Variants in PAMR1 observed in about 807,000 individuals in gnomAD.
The protein encoded by PAMR1 is inactive serine protease PAMR1.
A neutral mutation model predicts 81.8 loss-of-function variants in PAMR1; 88 were observed. That is an observed-to-expected ratio of 1.08 (90% confidence interval 0.91 to 1.28). The LOEUF (loss-of-function observed/expected upper bound fraction) is 1.28, where lower values mean the gene tolerates loss of function less well. Ranked by LOEUF, PAMR1 falls within the 50% of genes most tolerant of loss-of-function variation. The probability of loss-of-function intolerance (pLI) is 0.00; values close to 1 mark genes in which losing one functional copy is unlikely to be tolerated. For missense variants in PAMR1, 935 were observed against 919.7 expected, an observed-to-expected ratio of 1.02 and a Z score of -0.21; for synonymous variants, 336 against 345.3, an observed-to-expected ratio of 0.97 and a Z score of 0.30.
In PAMR1 at chr11:35,432,354, G is replaced by T; in HGVS notation, c.*2C>A. 6.2e-7 allele frequency: 1 copy of T among 1,608,102 alleles called. No homozygotes were observed. The highest frequency in any genetic ancestry group is 8.5e-7 in the Non-Finnish European group (1 of 1,179,090). ...ACTTCTCAAGGAGTGCATGAGCATG[G>T]TTCATTTCATATTTCTTTCAATCCA... On this transcript the variant is annotated 3_prime_UTR_variant, in exon 11 of 11. Coordinates refer to ENST00000619888, the MANE Select transcript of PAMR1 (RefSeq NM_001001991.3).
At chr11:35,476,218 C>CT (rs1347529384) in intron 3 of PAMR1, among the ~76,000 whole-genome samples, 1 of 152,170 alleles carries the variant, frequency 6.6e-6, no homozygotes, top group African/African-American at 2.4e-5. Flanking sequence ...CTTGGGGCTC[C>CT]TGTCTAGCCC....
chr11:35,469,568 C>T (rs1371766037), intron 5 of PAMR1, among the ~76,000 whole-genome samples: 1 of 152,216 alleles, frequency 6.6e-6, no homozygotes, highest in African/African-American at 2.4e-5. Flanking sequence ...TGCACAGCTC[C>T]ACAGGGGGCA....
intron 1 of PAMR1, among the ~76,000 whole-genome samples, chr11:35,497,059 T>A (rs928399881): frequency 6.6e-6 from 1 of 151,948 alleles, no homozygotes; most frequent in Non-Finnish European, 1.5e-5. Context: ...CCCAGCTACT[T>A]AGGAGGCTGA....
intron 1 of PAMR1, among the ~76,000 whole-genome samples, chr11:35,500,335 G>C (rs1850808111): frequency 6.6e-6 from 1 of 152,160 alleles, no homozygotes; most frequent in African/African-American, 2.4e-5. Flanking sequence ...CCAAGAGCAA[G>C]GGTGAATCGA....
intron 1 of PAMR1, among the ~76,000 whole-genome samples, chr11:35,524,297 T>C (rs937176961): frequency 5.3e-5 from 8 of 152,120 alleles, no homozygotes; most frequent in African/African-American, 1.7e-4. Context: ...TTGTAAATCA[T>C]TAAGGAAGAT....
intron 3 of PAMR1, among the ~76,000 whole-genome samples, chr11:35,475,496 G>A (rs976285779): frequency 1.3e-5 from 2 of 152,170 alleles, no homozygotes; most frequent in Non-Finnish European, 2.9e-5. Flanking sequence ...GAATCCCTAA[G>A]ATTTGAAAAC....
chr11:35,497,802 CTCT>C (rs1349972621), intron 1 of PAMR1, among the ~76,000 whole-genome samples: 2 of 152,192 alleles, frequency 1.3e-5, no homozygotes, highest in African/African-American at 4.8e-5. Context: ...CATTCAACTT[CTCT>C]TCTTTCTCAT....
intron 1 of PAMR1, among the ~76,000 whole-genome samples, chr11:35,508,879 T>A (rs925352400): frequency 2.0e-5 from 3 of 152,202 alleles, no homozygotes; most frequent in Non-Finnish European, 2.9e-5. Flanking sequence ...AAGGACTTGA[T>A]GTCATTTTTT....
intron 6 of PAMR1, among the ~76,000 whole-genome samples, chr11:35,451,462 G>A (rs191845500): frequency 6.6e-6 from 1 of 152,306 alleles, no homozygotes; most frequent in Non-Finnish European, 1.5e-5. Flanking sequence ...CAAATCACAT[G>A]TGATGTGTAC....
At chr11:35,467,977 C>G in intron 6 of PAMR1, 24 bp downstream of exon 6, 1 of 1,443,056 alleles carries the variant, frequency 6.9e-7, no homozygotes. Context: ...GACACCTTAA[C>G]TCCCACTTAG....
chr11:35,444,927 G>A (rs1240042773), intron 6 of PAMR1, among the ~76,000 whole-genome samples: 1 of 152,120 alleles, frequency 6.6e-6, no homozygotes, highest in African/African-American at 2.4e-5. Context: ...AAATTACTTT[G>A]GGCAGTATGG....
At chr11:35,460,585 C>T (rs925252012) in intron 6 of PAMR1, among the ~76,000 whole-genome samples, 45 of 152,018 alleles carry the variant, frequency 3.0e-4, no homozygotes, top group Non-Finnish European at 5.4e-4. Flanking sequence ...TTTGGTTTTT[C>T]GTCCTTGTGA....
At chr11:35,454,616 C>T (rs1452477290) in intron 6 of PAMR1, among the ~76,000 whole-genome samples, 1 of 152,182 alleles carries the variant, frequency 6.6e-6, no homozygotes, top group Non-Finnish European at 1.5e-5. Flanking sequence ...GACAACTCTG[C>T]TGTTTTCTTA....
chr11:35,519,917 T>C (rs695121), intron 1 of PAMR1, among the ~76,000 whole-genome samples: 61,487 of 152,066 alleles, frequency 0.4, 13,453 homozygotes, highest in East Asian at 0.69. Flanking sequence ...TTCAAAAACA[T>C]GGATATCCAG....
intron 1 of PAMR1, among the ~76,000 whole-genome samples, chr11:35,523,576 A>C (rs994370748): frequency 6.6e-5 from 10 of 152,208 alleles, no homozygotes; most frequent in African/African-American, 2.4e-4. Context: ...ATCCCAGTGG[A>C]TGTTTACAAT....
chr11:35,451,682 T>A (rs1407359894), intron 6 of PAMR1, among the ~76,000 whole-genome samples: 1 of 152,224 alleles, frequency 6.6e-6, no homozygotes, highest in East Asian at 1.9e-4. Flanking sequence ...AATGTGTGTG[T>A]CCCTCCAATA....
At chr11:35,471,355 A>T (rs1304660055) in intron 4 of PAMR1, among the ~76,000 whole-genome samples, 2 of 152,202 alleles carry the variant, frequency 1.3e-5, no homozygotes, top group African/African-American at 4.8e-5. Flanking sequence ...CTCGTTCCAC[A>T]GTTTTCACAG....
At chr11:35,438,872 T>C (rs1314968099) in intron 8 of PAMR1, among the ~76,000 whole-genome samples, 2 of 152,070 alleles carry the variant, frequency 1.3e-5, no homozygotes, top group Non-Finnish European at 2.9e-5. Flanking sequence ...TTAGGGAAGA[T>C]CTCTCTCTGT....
At chr11:35,471,870 C>T (rs1850194515) in intron 4 of PAMR1, among the ~76,000 whole-genome samples, 1 of 152,170 alleles carries the variant, frequency 6.6e-6, no homozygotes, top group South Asian at 2.1e-4. Context: ...CTCCTCCACA[C>T]TCTGGAGAAA....
Sources: gnomAD v4.1 joint callset for allele counts (sites outside exome capture counted in the v4.1 genomes callset) on GRCh38, gnomAD v4.1.1 for gene constraint, MANE v1.5 for transcripts, NCBI Gene and HGNC (gene_info 2026-07-23, HGNC 2026-07-21) for gene names.